The following CSMD1 variants were observed in gnomAD, a reference collection of about 807,000 sequenced individuals.
CSMD1 encodes the protein CUB and sushi domain-containing protein 1.
A neutral mutation model predicts 417.5 loss-of-function variants in CSMD1; 213 were observed. That is an observed-to-expected ratio of 0.51 (90% CI 0.46 to 0.57). CSMD1 has a LOEUF of 0.57. Ranked by LOEUF, CSMD1 falls within the 20% of genes least tolerant of loss-of-function variation. CSMD1 has a pLI of 0.00. For missense variants in CSMD1, 6,923 were observed against 4,529.7 expected (o/e 1.53, Z -15.17); for synonymous variants, 2,862 against 1,736.8 (o/e 1.65, Z -16.11).
chr8:4,442,131 G>C (rs1197074978), intron 2 of CSMD1, among the ~76,000 whole-genome samples: 2 of 152,118 alleles, frequency 1.3e-5, no homozygotes, highest in African/African-American at 2.4e-5. Context: ...CTTATCTCCT[G>C]TCCTGATTCA....
At chr8:3,402,159 T>C (rs907169695) in intron 15 of CSMD1, among the ~76,000 whole-genome samples, 1 of 152,182 alleles carries the variant, frequency 6.6e-6, no homozygotes, top group Admixed American at 6.5e-5. Flanking sequence ...TTCTCCATTA[T>C]CTGTGATAGT....
chr8:3,887,126 T>G (rs1806620285), intron 5 of CSMD1, among the ~76,000 whole-genome samples: 1 of 152,044 alleles, frequency 6.6e-6, no homozygotes, highest in Admixed American at 6.6e-5. Context: ...CTACCAAAAC[T>G]CTATTGTGTG....
intron 3 of CSMD1, among the ~76,000 whole-genome samples, chr8:4,055,339 C>G (rs6982198): frequency 6.6e-6 from 1 of 151,912 alleles, no homozygotes; most frequent in South Asian, 2.1e-4. Context: ...TTATAGATTA[C>G]AAAAATATCC....
intron 49 of CSMD1, among the ~76,000 whole-genome samples, chr8:3,074,238 C>T (rs935261848): frequency 6.6e-6 from 1 of 152,218 alleles, no homozygotes; most frequent in Non-Finnish European, 1.5e-5. Flanking sequence ...CCCTCACATC[C>T]AGTCTTTCTC....
intron 7 of CSMD1, among the ~76,000 whole-genome samples, chr8:3,620,620 T>A (rs988612953): frequency 1.3e-5 from 2 of 152,130 alleles, no homozygotes; most frequent in Admixed American, 6.5e-5. Flanking sequence ...GGATGTTATA[T>A]GTTATCTCCA....
intron 5 of CSMD1, among the ~76,000 whole-genome samples, chr8:3,851,775 T>G (rs1423592677): frequency 6.6e-6 from 1 of 152,066 alleles, no homozygotes; most frequent in Non-Finnish European, 1.5e-5. Flanking sequence ...TATAAGGAAG[T>G]GACCACAAGT....
At chr8:4,887,833 T>G (rs7002271) in intron 1 of CSMD1, among the ~76,000 whole-genome samples, 2 of 151,756 alleles carry the variant, frequency 1.3e-5, no homozygotes, top group African/African-American at 4.8e-5. Flanking sequence ...TTTTGAGCAG[T>G]GTTCGTACAG....
At chr8:4,731,201 G>A (rs887938167) in intron 1 of CSMD1, among the ~76,000 whole-genome samples, 4 of 152,266 alleles carry the variant, frequency 2.6e-5, no homozygotes, top group Non-Finnish European at 2.9e-5. Context: ...ACTACTGTTT[G>A]GAAGCGAGAA....
chr8:4,256,860 C>T (rs1803493655), intron 3 of CSMD1, among the ~76,000 whole-genome samples: 2 of 152,170 alleles, frequency 1.3e-5, no homozygotes, highest in African/African-American at 4.8e-5. Flanking sequence ...GTCACCATCG[C>T]ATAAAGGGGG....
At chr8:3,351,864 G>T (rs1006538636) in intron 21 of CSMD1, among the ~76,000 whole-genome samples, 1 of 151,222 alleles carries the variant, frequency 6.6e-6, no homozygotes, top group South Asian at 2.1e-4. Context: ...TTTTAAAGAC[G>T]ATTAACATAG....
chr8:4,760,657 G>C (rs930563599), intron 1 of CSMD1, among the ~76,000 whole-genome samples: 1 of 152,178 alleles, frequency 6.6e-6, no homozygotes, highest in Non-Finnish European at 1.5e-5. Context: ...GGTATCATGA[G>C]TAACATTTTG....
chr8:4,861,681 C>G (rs566392064), intron 1 of CSMD1, among the ~76,000 whole-genome samples: 1 of 152,022 alleles, frequency 6.6e-6, no homozygotes, highest in Non-Finnish European at 1.5e-5. Flanking sequence ...CATAACAACA[C>G]AGTGATCTCA....
chr8:3,390,867 C>G (rs1263081630), intron 17 of CSMD1, among the ~76,000 whole-genome samples: 1 of 151,884 alleles, frequency 6.6e-6, no homozygotes, highest in Non-Finnish European at 1.5e-5. Context: ...TTTCATATGC[C>G]GAGCTTAGAG....
At chr8:4,242,560 C>A (rs1006266019) in intron 3 of CSMD1, among the ~76,000 whole-genome samples, 2 of 152,168 alleles carry the variant, frequency 1.3e-5, no homozygotes, top group East Asian at 3.9e-4. Flanking sequence ...AGTAAGTTGT[C>A]TTGAAAAAAC....
At chr8:4,922,933 G>C (rs189412794) in intron 1 of CSMD1, among the ~76,000 whole-genome samples, 2 of 152,092 alleles carry the variant, frequency 1.3e-5, no homozygotes, top group African/African-American at 4.8e-5. Flanking sequence ...TCCTAGTCTT[G>C]GTGTATATGC....
chr8:3,459,171 A>G (rs1816337547), intron 12 of CSMD1, among the ~76,000 whole-genome samples: 1 of 152,204 alleles, frequency 6.6e-6, no homozygotes, highest in African/African-American at 2.4e-5. Flanking sequence ...GATCTGGAAG[A>G]GGGGCAGAAA....
chr8:4,557,410 C>T (rs1415226440), intron 2 of CSMD1, among the ~76,000 whole-genome samples: 1 of 150,774 alleles, frequency 6.6e-6, no homozygotes, highest in East Asian at 1.9e-4. Flanking sequence ...GCATAGTAAT[C>T]CATCTGAAAA....
intron 1 of CSMD1, among the ~76,000 whole-genome samples, chr8:4,709,833 G>A (rs568631023): frequency 4.6e-5 from 7 of 152,144 alleles, no homozygotes; most frequent in Middle Eastern, 3.4e-3. Context: ...CAGTCGTCCC[G>A]CAGAGTAAAA....
chr8:4,249,517 T>C (rs754881275), intron 3 of CSMD1, among the ~76,000 whole-genome samples: 1 of 152,220 alleles, frequency 6.6e-6, no homozygotes, highest in Non-Finnish European at 1.5e-5. Flanking sequence ...AGAGAGCTCC[T>C]CTACTGACGT....
Sources: allele counts gnomAD v4.1 joint callset (sites outside exome capture counted in the v4.1 genomes callset), GRCh38; gene constraint gnomAD v4.1.1; transcripts MANE v1.5; gene names NCBI Gene and HGNC (gene_info 2026-07-23, HGNC 2026-07-21).